CDYL2: variants seen among roughly 807,000 people sequenced by gnomAD.
The protein encoded by CDYL2 is chromodomain Y-like protein 2.
CDYL2 carries 23 observed loss-of-function variants against 49.4 expected under a neutral mutation model. The ratio of observed to expected loss-of-function variants is 0.47; its 90% confidence interval spans 0.34 to 0.66. The LOEUF (loss-of-function observed/expected upper bound fraction) is 0.66. CDYL2 is among the 30% of genes least tolerant of loss of function. The probability of loss-of-function intolerance (pLI) is 0.01; values close to 1 mark genes in which losing one functional copy is unlikely to be tolerated. For synonymous variants in CDYL2, 360 were observed against 268.8 expected (o/e 1.34, Z -3.32); for missense variants, 678 against 656.4 (o/e 1.03, Z -0.36).
At chr16:80,765,136 ATATATAG>A (rs1319200992) in intron 1 of CDYL2, among the ~76,000 whole-genome samples, 1 of 144,394 alleles carries the variant, frequency 6.9e-6, no homozygotes, top group Non-Finnish European at 1.5e-5. Context: ...GTACTATATA[ATATATAG>A]TACTATATGT....
At chr16:80,633,758 G>C (rs916487080) in intron 2 of CDYL2, among the ~76,000 whole-genome samples, 1 of 152,160 alleles carries the variant, frequency 6.6e-6, no homozygotes, top group Non-Finnish European at 1.5e-5. Flanking sequence ...AGATGAGAGG[G>C]GTGAATACCA....
chr16:80,744,191 C>T (rs1356696744), intron 1 of CDYL2, among the ~76,000 whole-genome samples: 2 of 152,142 alleles, frequency 1.3e-5, no homozygotes, highest in Non-Finnish European at 2.9e-5. Flanking sequence ...GATTCTAAGT[C>T]CAGAGACGCA....
chr16:80,604,258 C>G lies in CDYL2; in HGVS notation c.*130G>C, dbSNP rs1402254304. 2 of 1,024,106 alleles carry G rather than the reference C, an allele frequency of 2.0e-6. No homozygotes were observed. Among genetic ancestry groups the G allele is most frequent in the Non-Finnish European group, 1.4e-6 (1 of 693,986 alleles). The allele number at this position is 1,024,106 out of a possible 1,614,324, so 63.4% of individuals were successfully genotyped here. A position where few individuals can be genotyped will look rare whatever the true frequency, so the allele number is the denominator to read the frequency against. On this transcript the variant is annotated 3_prime_UTR_variant, in exon 7 of 7. Transcript: ENST00000570137. ...ACCAAGGAGGAGCAACCAAAGGACA[C>G]GAGGAAATGGACACAACCCTACGTA...
upstream of CDYL2, among the ~76,000 whole-genome samples, chr16:80,804,728 G>A (rs1171446397): frequency 6.7e-6 from 1 of 149,450 alleles, no homozygotes; most frequent in Admixed American, 6.6e-5. Flanking sequence ...GCCACCCCGG[G>A]CCGGCTTCGG....
chr16:80,758,648 T>C (rs923835779), intron 1 of CDYL2, among the ~76,000 whole-genome samples: 3 of 150,150 alleles, frequency 2.0e-5, no homozygotes, highest in Non-Finnish European at 1.5e-5. Flanking sequence ...GTTCACGCCA[T>C]TCTCCTGCCT....
chr16:80,780,481 T>G (rs954735617), intron 1 of CDYL2, among the ~76,000 whole-genome samples: 3 of 142,344 alleles, frequency 2.1e-5, no homozygotes, highest in Admixed American at 7.5e-5. Flanking sequence ...CTCGGCTCAC[T>G]GCAAGCTCCG....
chr16:80,778,360 T>A (rs1339912880), intron 1 of CDYL2, among the ~76,000 whole-genome samples: 1 of 151,626 alleles, frequency 6.6e-6, no homozygotes, highest in African/African-American at 2.4e-5. Context: ...ACAGGTAAGA[T>A]GATATAATTT....
intron 4 of CDYL2, among the ~76,000 whole-genome samples, chr16:80,613,754 G>T (rs573045951): frequency 2.6e-4 from 39 of 152,312 alleles, no homozygotes; most frequent in Non-Finnish European, 4.4e-4. Flanking sequence ...ATCTGGACAT[G>T]GAGGAAAGAC....
In CDYL2 at chr16:80,633,130, G is replaced by A. The variant is rs201122416; in HGVS notation, c.723C>T (p.Arg241=). 1.8e-4 allele frequency: 294 copies of A among 1,614,136 alleles called. No homozygotes were observed. The highest frequency in any genetic ancestry group is 5.7e-4 in the South Asian group (52 of 91,070). Reference sequence around the variant, plus strand: ...GAAACCGACAGTTGCTTTCATTCTGGCGGACACTGTATCTGAGCCTTTTGT... The same window carrying A: ...GAAACCGACAGTTGCTTTCATTCTGACGGACACTGTATCTGAGCCTTTTGT... ...VFDKRLRYSV[R]QNESNCRFRD... is the part of the protein sequence containing the mutation. Residue 241 remains arginine (R), a synonymous_variant, in exon 3 of 7, where the codon CGC becomes CGT. Coordinates refer to ENST00000570137, the MANE Select transcript of CDYL2 (RefSeq NM_152342.4).
At chr16:80,766,823 G>T (rs1010125574) in intron 1 of CDYL2, among the ~76,000 whole-genome samples, 1 of 152,168 alleles carries the variant, frequency 6.6e-6, no homozygotes, top group Admixed American at 6.5e-5. Flanking sequence ...GAAGAAAGAA[G>T]TGTCGGCCAC....
At chr16:80,676,336 G>A (rs1328114728) in intron 2 of CDYL2, among the ~76,000 whole-genome samples, 1 of 152,206 alleles carries the variant, frequency 6.6e-6, no homozygotes, top group Admixed American at 6.5e-5. Context: ...TGTTGGCCTG[G>A]GGGTGGGTAC....
chr16:80,776,065 T>C (rs567104923), intron 1 of CDYL2, among the ~76,000 whole-genome samples: 1 of 151,968 alleles, frequency 6.6e-6, no homozygotes, highest in Non-Finnish European at 1.5e-5. Flanking sequence ...AACAATAATA[T>C]TAATTTGATT....
chr16:80,671,017 G>A (rs1000106791), intron 2 of CDYL2: 14 of 455,836 alleles, frequency 3.1e-5, no homozygotes, highest in African/African-American at 2.6e-4. Context: ...CTTCTAACCA[G>A]TCTAGGGTTG....
intron 1 of CDYL2, among the ~76,000 whole-genome samples, chr16:80,798,177 A>C (rs1274571760): frequency 6.6e-6 from 1 of 152,104 alleles, no homozygotes; most frequent in Non-Finnish European, 1.5e-5. Flanking sequence ...AGTAGCTGGA[A>C]CTACAAACAC....
In CDYL2 at chr16:80,598,678, G is replaced by A. The variant is rs1365305695; in HGVS notation, c.*5710C>T. 4 of 152,126 alleles carry A rather than the reference G, an allele frequency of 2.6e-5. No individual in the cohort carries two copies. Among genetic ancestry groups the A allele is most frequent in the African/African-American group, 9.7e-5 (4 of 41,418 alleles). The allele number at this position is 152,126 out of a possible 1,614,324, so 9.4% of individuals were successfully genotyped here. On this transcript the variant is annotated 3_prime_UTR_variant, in exon 7 of 7. Coordinates refer to ENST00000570137, the MANE Select transcript of CDYL2 (RefSeq NM_152342.4). ...CCTCCACTTTTATGATATGGATACA[G>A]GCTTGGGACTACACAGTAGAAACAC... is the stretch of plus-strand genomic sequence containing the variant.
At position 80,621,395 on chromosome 16, in the gene CDYL2, G is replaced by A. The variant is rs145420634; in HGVS notation, c.835-460C>T. On this transcript the variant is annotated intron_variant, in intron 3 of 6. Transcript: ENST00000570137. ...TCATCTTTCCTCCAGCTCATACCCC[G>A]CACGGCCTGCAGGTGCCACATGGCA... is the stretch of plus-strand genomic sequence containing the variant. Among the ~76,000 whole-genome samples, 21 of 152,310 alleles carry A rather than the reference G, an allele frequency of 1.4e-4. No homozygotes were observed. In the East Asian group the frequency reaches 3.9e-3, roughly 28 times the overall value.
intron 1 of CDYL2, among the ~76,000 whole-genome samples, chr16:80,724,953 T>C (rs1905117553): frequency 1.3e-5 from 2 of 152,302 alleles, no homozygotes; most frequent in South Asian, 2.1e-4. Flanking sequence ...CTTTGGTGGT[T>C]TCCCACTGAA....
chr16:80,744,466 G>C (rs142306844), intron 1 of CDYL2, among the ~76,000 whole-genome samples: 1 of 147,952 alleles, frequency 6.8e-6, no homozygotes, highest in Non-Finnish European at 1.5e-5. Flanking sequence ...ACCTGAGAAA[G>C]CAACAAGGTG....
intron 1 of CDYL2, among the ~76,000 whole-genome samples, chr16:80,754,528 G>C (rs781011937): frequency 6.6e-6 from 1 of 152,164 alleles, no homozygotes; most frequent in Non-Finnish European, 1.5e-5. Flanking sequence ...ATAAACTGTG[G>C]CCTCACGTGG....
Sources: allele counts gnomAD v4.1 joint callset (sites outside exome capture counted in the v4.1 genomes callset), GRCh38; gene constraint gnomAD v4.1.1; transcripts MANE v1.5; gene names NCBI Gene and HGNC (gene_info 2026-07-23, HGNC 2026-07-21).